MCC: variants seen among roughly 807,000 people sequenced by gnomAD.
MCC encodes colorectal mutant cancer protein.
MCC carries 90 observed loss-of-function variants against 116.2 expected under a neutral mutation model. That is an observed-to-expected ratio of 0.77 (90% CI 0.65 to 0.92). MCC has a LOEUF of 0.92. Among genes scored for constraint, MCC ranks in the 40% least tolerant of loss-of-function variants. The probability of loss-of-function intolerance (pLI) is 0.00; values close to 1 mark genes in which losing one functional copy is unlikely to be tolerated. For synonymous variants in MCC, 578 were observed against 510.5 expected (o/e 1.13, Z -1.78); for missense variants, 1,516 against 1,312.2 (o/e 1.16, Z -2.40).
chr5:113,396,154 C>T (rs1769520362), intron 1 of MCC, among the ~76,000 whole-genome samples: 1 of 151,968 alleles, frequency 6.6e-6, no homozygotes, highest in Admixed American at 6.6e-5. Flanking sequence ...ATGGCAAGAC[C>T]CCATCTCCAC....
intron 5 of MCC, among the ~76,000 whole-genome samples, chr5:113,134,943 T>TC (rs35187696): frequency 0.087 from 10,395 of 119,428 alleles, 435 homozygotes; most frequent in South Asian, 0.17. Flanking sequence ...AACTTTTACT[T>TC]CTTTTTTTTT....
At chr5:113,293,151 A>G (rs929827704) in intron 3 of MCC, among the ~76,000 whole-genome samples, 16 of 152,096 alleles carry the variant, frequency 1.1e-4, no homozygotes, top group African/African-American at 3.4e-4. Context: ...GCAGGGCCCA[A>G]TAGCATTCAC....
chr5:113,088,851 G>T lies in MCC; in HGVS notation c.1399-3541C>A, dbSNP rs577804956. Among the ~76,000 whole-genome samples, 5 of 152,228 alleles carry T rather than the reference G, an allele frequency of 3.3e-5. No homozygotes were observed. In the East Asian group the frequency reaches 9.7e-4, roughly 29 times the overall value. Reference sequence around the variant, plus strand: ...TTGAGACACGGTCTCACTATGTTGTGTTGCCCAAGCTGGCCTCAATCTCAT... The same window carrying T: ...TTGAGACACGGTCTCACTATGTTGTTTTGCCCAAGCTGGCCTCAATCTCAT... On this transcript the variant is annotated intron_variant, in intron 8 of 18. Transcript: ENST00000408903.
chr5:113,134,810 G>C (rs1758708000), intron 5 of MCC, among the ~76,000 whole-genome samples: 1 of 151,666 alleles, frequency 6.6e-6, no homozygotes, highest in Non-Finnish European at 1.5e-5. Flanking sequence ...TCCAGTAATG[G>C]AACACTAGGC....
chr5:113,353,028 C>T (rs764914216), intron 2 of MCC, among the ~76,000 whole-genome samples: 1 of 152,128 alleles, frequency 6.6e-6, no homozygotes, highest in Non-Finnish European at 1.5e-5. Context: ...AGGGTTATGG[C>T]TCTGCTTTCT....
chr5:113,045,349 AG>A (rs10715857), intron 16 of MCC, among the ~76,000 whole-genome samples: 25,768 of 152,220 alleles, frequency 0.17, 2,619 homozygotes, highest in Non-Finnish European at 0.24. Context: ...GCAAGAAAAA[AG>A]GTTCAAGACT....
chr5:113,085,117 A>G (rs370031266), intron 9 of MCC, 47 bp downstream of exon 9: 69 of 1,612,676 alleles, frequency 4.3e-5, no homozygotes, highest in South Asian at 2.4e-4. Context: ...GTGCTTCCAG[A>G]TAACAGGAGG....
intron 3 of MCC, among the ~76,000 whole-genome samples, chr5:113,235,360 A>G (rs773679430): frequency 6.6e-6 from 1 of 152,190 alleles, no homozygotes; most frequent in Admixed American, 6.5e-5. Context: ...CATACATTCC[A>G]TATTACTTCC....
intron 1 of MCC, among the ~76,000 whole-genome samples, chr5:113,430,163 T>C (rs752456847): frequency 6.6e-6 from 1 of 152,260 alleles, no homozygotes; most frequent in Non-Finnish European, 1.5e-5. Context: ...ATGTGTTCCA[T>C]TGCACTTGGT....
At chr5:113,253,518 C>T (rs1009652841) in intron 3 of MCC, among the ~76,000 whole-genome samples, 2 of 152,106 alleles carry the variant, frequency 1.3e-5, no homozygotes, top group Admixed American at 6.5e-5. Context: ...ATACTATGCC[C>T]TCAATTTCAG....
chr5:113,053,094 G>A (rs6865320), intron 15 of MCC, among the ~76,000 whole-genome samples: 1 of 152,052 alleles, frequency 6.6e-6, no homozygotes, highest in East Asian at 1.9e-4. Context: ...AGGTATGGCG[G>A]TTTAACTACT....
At chr5:113,216,072 T>C (rs1763303518) in intron 3 of MCC, among the ~76,000 whole-genome samples, 1 of 152,250 alleles carries the variant, frequency 6.6e-6, no homozygotes, top group Non-Finnish European at 1.5e-5. Flanking sequence ...CTACCTGTTT[T>C]TGTGAATAAA....
chr5:113,029,079 T>G (rs1750777115), intron 17 of MCC, 23 bp from the exon 18 acceptor site: 2 of 1,598,338 alleles, frequency 1.3e-6, no homozygotes, highest in Non-Finnish European at 1.7e-6. Context: ...AGACAAAATA[T>G]GCCAGGAGTA....
chr5:113,060,218 T>C (rs1221281320), intron 14 of MCC, among the ~76,000 whole-genome samples: 1 of 152,182 alleles, frequency 6.6e-6, no homozygotes, highest in East Asian at 1.9e-4. Flanking sequence ...TGCAATAGCA[T>C]GATTTGGCTC....
chr5:113,252,566 G>C (rs948103536), intron 3 of MCC, among the ~76,000 whole-genome samples: 1 of 152,032 alleles, frequency 6.6e-6, no homozygotes, highest in Non-Finnish European at 1.5e-5. Flanking sequence ...CTGTATTACA[G>C]TGAGTTGTGT....
intron 3 of MCC, among the ~76,000 whole-genome samples, chr5:113,319,878 G>C (rs73781514): frequency 0.089 from 13,586 of 152,228 alleles, 1,430 homozygotes; most frequent in African/African-American, 0.26. Context: ...GAAGTTCTTA[G>C]TGCCTTGCCT....
chr5:113,169,602 G>T (rs1760966314), intron 3 of MCC, among the ~76,000 whole-genome samples: 1 of 152,114 alleles, frequency 6.6e-6, no homozygotes, highest in Admixed American at 6.5e-5. Context: ...TGCCAAGGGG[G>T]TTAATGTACA....
intron 5 of MCC, among the ~76,000 whole-genome samples, chr5:113,131,286 T>C (rs1339383732): frequency 1.3e-5 from 2 of 152,198 alleles, no homozygotes; most frequent in Non-Finnish European, 2.9e-5. Flanking sequence ...GAGCTACTGA[T>C]ATATTTTTCC....
intron 1 of MCC, among the ~76,000 whole-genome samples, chr5:113,439,831 G>C (rs1337226479): frequency 1.3e-5 from 2 of 152,166 alleles, no homozygotes; most frequent in East Asian, 1.9e-4. Flanking sequence ...TGGCTACTTA[G>C]CAAGTGTTGG....
Sources: gnomAD v4.1 joint callset for allele counts (sites outside exome capture counted in the v4.1 genomes callset) on GRCh38, gnomAD v4.1.1 for gene constraint, MANE v1.5 for transcripts, NCBI Gene and HGNC (gene_info 2026-07-23, HGNC 2026-07-21) for gene names.